Variants in SLC39A12 observed in about 807,000 individuals in gnomAD.
SLC39A12 encodes the protein zinc transporter ZIP12.
Under a neutral mutation model 71.1 loss-of-function variants are expected in SLC39A12, and 63 were observed. The observed-to-expected ratio is 0.89, with a 90% CI of 0.72 to 1.09. SLC39A12 has a LOEUF of 1.09. Among genes scored for constraint, SLC39A12 ranks in the 50% least tolerant of loss-of-function variants. The pLI, the probability that SLC39A12 is intolerant of heterozygous loss-of-function variation, is 0.00. For missense variants in SLC39A12, 892 were observed against 812.6 expected (o/e 1.10, Z -1.19); for synonymous variants, 351 against 301.3 (o/e 1.16, Z -1.71).
At chr10:18,036,788 A>ATTTTTTTTTTTTTTTTTTTTTTT (rs1319675306) in intron 12 of SLC39A12, among the ~76,000 whole-genome samples, 1 of 17,016 alleles carries the variant, frequency 5.9e-5, no homozygotes, top group Non-Finnish European at 1.4e-4. Context: ...ATATATATAT[A>ATTTTTTTTTTTTTTTTTTTTTTT]TATATATTTT....
intron 5 of SLC39A12, among the ~76,000 whole-genome samples, chr10:17,980,694 T>C (rs1161567373): frequency 6.6e-6 from 1 of 152,168 alleles, no homozygotes; most frequent in Non-Finnish European, 1.5e-5. Flanking sequence ...ATCAGTAAAG[T>C]CAGTAAGAAA....
At chr10:17,966,680 A>T (rs888503796) in intron 4 of SLC39A12, among the ~76,000 whole-genome samples, 1 of 151,998 alleles carries the variant, frequency 6.6e-6, no homozygotes, top group African/African-American at 2.4e-5. Flanking sequence ...AATATCATAA[A>T]AAATTCAGGC....
chr10:17,973,399 A>G (rs1835024585), intron 4 of SLC39A12, among the ~76,000 whole-genome samples: 1 of 152,108 alleles, frequency 6.6e-6, no homozygotes, highest in Non-Finnish European at 1.5e-5. Context: ...TAGTCCCTTT[A>G]GCATTTCTTA....
intron 12 of SLC39A12, among the ~76,000 whole-genome samples, chr10:18,011,716 T>C (rs1453518099): frequency 6.6e-6 from 1 of 152,232 alleles, no homozygotes; most frequent in African/African-American, 2.4e-5. Context: ...AATTGTTAAA[T>C]ACAAGTTTAA....
In SLC39A12 at chr10:17,968,644, T is replaced by G. The variant is rs559086890; in HGVS notation, c.751+2954T>G. 1.1e-4 allele frequency among the ~76,000 whole-genome samples: 16 copies of G among 152,228 alleles called. No homozygotes were observed. The South Asian group carries it at 3.1e-3, about 30-fold the overall frequency. On this transcript the variant is annotated intron_variant, in intron 4 of 12. Coordinates refer to ENST00000377369, the MANE Select transcript of SLC39A12 (RefSeq NM_001145195.2). ...TATAAAATTCTTGATCCTTTTTTCT[T>G]TTTCTTTTTTCAAATTTTTGTGGGT...
chr10:18,016,922 C>T (rs556640540), intron 12 of SLC39A12, among the ~76,000 whole-genome samples: 2 of 152,036 alleles, frequency 1.3e-5, no homozygotes, highest in Non-Finnish European at 2.9e-5. Context: ...AGTTCCTTGT[C>T]TATTTTGGAT....
intron 12 of SLC39A12, among the ~76,000 whole-genome samples, chr10:18,041,295 G>A (rs1042083604): frequency 6.6e-6 from 1 of 151,874 alleles, no homozygotes; most frequent in Admixed American, 6.6e-5. Context: ...TATAGCCACA[G>A]GACAGCCTGG....
chr10:17,997,181 T>A (rs1158708393), intron 10 of SLC39A12, among the ~76,000 whole-genome samples: 1 of 152,208 alleles, frequency 6.6e-6, no homozygotes, highest in African/African-American at 2.4e-5. Context: ...TTCAGGCATG[T>A]TTTATGCAGT....
At chr10:17,956,741 T>A (rs1430301549) in intron 2 of SLC39A12, among the ~76,000 whole-genome samples, 1 of 152,194 alleles carries the variant, frequency 6.6e-6, no homozygotes, top group African/African-American at 2.4e-5. Context: ...TTTAAGGGTC[T>A]CCATTTAATT....
intron 12 of SLC39A12, among the ~76,000 whole-genome samples, chr10:18,012,739 C>G (rs977532502): frequency 6.6e-6 from 1 of 151,908 alleles, no homozygotes; most frequent in Non-Finnish European, 1.5e-5. Context: ...TGGTGGCGCA[C>G]ACCTGTAGTC....
chr10:18,028,847 G>T (rs150883277), intron 12 of SLC39A12, among the ~76,000 whole-genome samples: 3,292 of 151,948 alleles, frequency 0.022, 48 homozygotes, highest in South Asian at 0.043. Flanking sequence ...AGCCTCCCGA[G>T]TAGCTAGGAT....
intron 2 of SLC39A12, among the ~76,000 whole-genome samples, chr10:17,959,279 A>G (rs1001404558): frequency 1.3e-5 from 2 of 152,082 alleles, no homozygotes; most frequent in Non-Finnish European, 1.5e-5. Context: ...TTACAGGTGG[A>G]GCCTAATATC....
At chr10:17,963,520 G>A (rs12761871) in intron 3 of SLC39A12, among the ~76,000 whole-genome samples, 13,400 of 152,236 alleles carry the variant, frequency 0.088, 620 homozygotes, top group Non-Finnish European at 0.094. Context: ...CGGTCATTAA[G>A]AGTTCAACAC....
chr10:17,958,445 A>C (rs1834604719), intron 2 of SLC39A12, among the ~76,000 whole-genome samples: 1 of 152,126 alleles, frequency 6.6e-6, no homozygotes, highest in Admixed American at 6.6e-5. Context: ...ACTTGGACCA[A>C]TCTCTTAGCC....
intron 12 of SLC39A12, among the ~76,000 whole-genome samples, chr10:18,036,376 A>C (rs1344470988): frequency 3.9e-5 from 6 of 152,088 alleles, no homozygotes; most frequent in Non-Finnish European, 5.9e-5. Flanking sequence ...AGCCGGTCTG[A>C]AAAGCGCAGT....
At chr10:18,014,936 TA>T (rs1039293513) in intron 12 of SLC39A12, among the ~76,000 whole-genome samples, 2 of 152,144 alleles carry the variant, frequency 1.3e-5, no homozygotes, top group Admixed American at 1.3e-4. Context: ...GCAAGAAAAG[TA>T]AAAAAGTAGT....
At chr10:18,011,411 AT>A (rs2130861359) in intron 12 of SLC39A12, among the ~76,000 whole-genome samples, 1 of 152,144 alleles carries the variant, frequency 6.6e-6, no homozygotes, top group African/African-American at 2.4e-5. Flanking sequence ...TCTTAATAAC[AT>A]TTTCTTTTCT....
chr10:18,033,793 T>A (rs1445382412), intron 12 of SLC39A12, among the ~76,000 whole-genome samples: 1 of 149,934 alleles, frequency 6.7e-6, no homozygotes, highest in East Asian at 2.0e-4. Context: ...CATTTAGTGC[T>A]ATAAATTTCC....
At chr10:17,995,851 A>G (rs1474039208) in intron 10 of SLC39A12, 129 bp downstream of exon 10, 3 of 722,194 alleles carry the variant, frequency 4.2e-6, no homozygotes, top group Admixed American at 6.6e-5. Context: ...AAACTTTGCA[A>G]TAGGATTTGT....
Sources: gnomAD v4.1 joint callset for allele counts (sites outside exome capture counted in the v4.1 genomes callset) on GRCh38, gnomAD v4.1.1 for gene constraint, MANE v1.5 for transcripts, NCBI Gene and HGNC (gene_info 2026-07-23, HGNC 2026-07-21) for gene names.